The following CEP350 variants were observed in gnomAD, a reference collection of about 807,000 sequenced individuals.
The protein encoded by CEP350 is centrosome-associated protein 350.
In CEP350, 126 loss-of-function variants were observed where a neutral mutation model predicts 331.8. The ratio of observed to expected loss-of-function variants is 0.38; its 90% confidence interval spans 0.33 to 0.44. The LOEUF is 0.44. Ranked by LOEUF, CEP350 falls within the 20% of genes least tolerant of loss-of-function variation. The pLI is 1.00. For synonymous variants in CEP350, 1,200 were observed against 1,259.5 expected, an observed-to-expected ratio of 0.95 and a Z score of 1.00; for missense variants, 3,406 against 3,634.6, an observed-to-expected ratio of 0.94 and a Z score of 1.62.
intron 1 of CEP350, among the ~76,000 whole-genome samples, chr1:179,975,442 A>C (rs1248282011): frequency 6.6e-6 from 1 of 152,176 alleles, no homozygotes; most frequent in Non-Finnish European, 1.5e-5. Flanking sequence ...GAGCAGGATA[A>C]TTTAGGAAGC....
At chr1:180,067,553 G>T (rs1460531468) in intron 27 of CEP350, among the ~76,000 whole-genome samples, 2 of 152,120 alleles carry the variant, frequency 1.3e-5, no homozygotes, top group Non-Finnish European at 2.9e-5. Context: ...GCCAGGCCTG[G>T]TGACACATGC....
intron 4 of CEP350, among the ~76,000 whole-genome samples, chr1:179,991,314 CT>C (rs748309168): frequency 2.2e-3 from 238 of 109,390 alleles, no homozygotes; most frequent in African/African-American, 3.2e-3. Context: ...TCTTTCTTTT[CT>C]TTTTTTTTTT....
At chr1:180,046,628 C>G (rs145149535) in intron 21 of CEP350, among the ~76,000 whole-genome samples, 1 of 152,240 alleles carries the variant, frequency 6.6e-6, no homozygotes, top group Non-Finnish European at 1.5e-5. Flanking sequence ...TATGGTAGCT[C>G]TATGTTTAAA....
At chr1:179,990,748 A>G (rs1019661728) in intron 4 of CEP350, 127 bp downstream of exon 4, 3 of 496,334 alleles carry the variant, frequency 6.0e-6, no homozygotes, top group Non-Finnish European at 1.1e-5. Flanking sequence ...GTAGAGACGA[A>G]GTCTCTCTGT....
At chr1:180,012,744 T>A (rs900916070) in intron 9 of CEP350, among the ~76,000 whole-genome samples, 2 of 152,246 alleles carry the variant, frequency 1.3e-5, no homozygotes, top group African/African-American at 4.8e-5. Context: ...GTTGCAACTA[T>A]AATTTGGCAT....
chr1:180,064,149 C>G (rs533573089), intron 26 of CEP350, among the ~76,000 whole-genome samples: 111 of 152,252 alleles, frequency 7.3e-4, no homozygotes, highest in Non-Finnish European at 1.1e-3. Flanking sequence ...GACTCTGGCT[C>G]TTGTGCTAGG....
intron 1 of CEP350, among the ~76,000 whole-genome samples, chr1:179,976,417 T>C (rs561746687): frequency 6.6e-6 from 1 of 152,288 alleles, no homozygotes; most frequent in East Asian, 1.9e-4. Flanking sequence ...CTGTCATTCA[T>C]TTTGGGGTAT....
At chr1:180,030,234 A>C (rs1655927715) in intron 14 of CEP350, among the ~76,000 whole-genome samples, 1 of 144,016 alleles carries the variant, frequency 6.9e-6, no homozygotes. Context: ...TATATATTTT[A>C]AAGTATATAT....
intron 25 of CEP350, among the ~76,000 whole-genome samples, chr1:180,055,316 G>T (rs1422187753): frequency 6.6e-6 from 1 of 152,112 alleles, no homozygotes; most frequent in Non-Finnish European, 1.5e-5. Flanking sequence ...TATAGTGGTT[G>T]TGAGGATTAA....
At chr1:180,052,484 A>G (rs186473310) in intron 22 of CEP350, among the ~76,000 whole-genome samples, 6 of 152,346 alleles carry the variant, frequency 3.9e-5, no homozygotes, top group African/African-American at 1.2e-4. Flanking sequence ...ATTCAATAAA[A>G]AAAAGGATGC....
intron 1 of CEP350, among the ~76,000 whole-genome samples, chr1:179,976,616 T>C (rs891038011): frequency 6.7e-6 from 1 of 149,074 alleles, no homozygotes; most frequent in Non-Finnish European, 1.5e-5. Context: ...ATCGCGCCAC[T>C]GCACTACAGC....
intron 32 of CEP350, among the ~76,000 whole-genome samples, chr1:180,088,568 A>C (rs1473464435): frequency 6.6e-6 from 1 of 152,186 alleles, no homozygotes; most frequent in Non-Finnish European, 1.5e-5. Flanking sequence ...CCTTTTAGAA[A>C]ATGTGGAGCC....
chr1:180,050,772 T>C (rs79096373), intron 22 of CEP350, among the ~76,000 whole-genome samples: 1,834 of 146,526 alleles, frequency 0.013, 22 homozygotes, highest in Non-Finnish European at 0.021. Flanking sequence ...TTGAAGAAAA[T>C]ATGCAGATGG....
chr1:180,012,832 G>A (rs972536957), intron 9 of CEP350, among the ~76,000 whole-genome samples: 3 of 152,158 alleles, frequency 2.0e-5, no homozygotes, highest in Non-Finnish European at 4.4e-5. Flanking sequence ...ACGCTCATGT[G>A]TATTCCCAGT....
intron 1 of CEP350, among the ~76,000 whole-genome samples, chr1:179,970,119 A>T (rs1029504614): frequency 1.1e-4 from 17 of 152,270 alleles, no homozygotes; most frequent in African/African-American, 4.1e-4. Context: ...ATAAAAAACT[A>T]TGGGTGTCTT....
At chr1:180,007,350 C>G (rs146545877) in intron 8 of CEP350, among the ~76,000 whole-genome samples, 1 of 152,184 alleles carries the variant, frequency 6.6e-6, no homozygotes, top group African/African-American at 2.4e-5. Context: ...TTGCATTTCT[C>G]TAATGACCAG....
chr1:180,106,919 T>TA (rs1661179335), intron 37 of CEP350, among the ~76,000 whole-genome samples: 1 of 152,144 alleles, frequency 6.6e-6, no homozygotes, highest in African/African-American at 2.4e-5. Flanking sequence ...TGGACCCTAT[T>TA]ACAGAACCTT....
intron 1 of CEP350, 61 bp downstream of exon 1, chr1:179,955,203 T>G: frequency 8.1e-7 from 1 of 1,237,170 alleles, no homozygotes; most frequent in Non-Finnish European, 1.0e-6. Context: ...ACTGTCTCTG[T>G]CCGCGGTCCC....
At chr1:180,009,167 G>A (rs969098797) in intron 8 of CEP350, among the ~76,000 whole-genome samples, 1 of 152,048 alleles carries the variant, frequency 6.6e-6, no homozygotes, top group Non-Finnish European at 1.5e-5. Flanking sequence ...GTGCCACCAC[G>A]CCCAGCTAAT....
Sources: allele counts gnomAD v4.1 joint callset (sites outside exome capture counted in the v4.1 genomes callset), GRCh38; gene constraint gnomAD v4.1.1; transcripts MANE v1.5; gene names NCBI Gene and HGNC (gene_info 2026-07-23, HGNC 2026-07-21).